The following IQCK variants were observed in gnomAD, a reference collection of about 807,000 sequenced individuals.
The protein encoded by IQCK is IQ motif containing K.
IQCK carries 29 observed loss-of-function variants against 28.1 expected under a neutral mutation model. The ratio of observed to expected loss-of-function variants is 1.03; its 90% CI spans 0.77 to 1.41. The LOEUF is 1.41. Ranked by LOEUF, IQCK falls within the 40% of genes most tolerant of loss-of-function variation. IQCK has a pLI of 0.00. For missense variants in IQCK, 359 were observed against 314.7 expected, an observed-to-expected ratio of 1.14 and a Z score of -1.07; for synonymous variants, 113 against 115.1, an observed-to-expected ratio of 0.98 and a Z score of 0.12.
intron 6 of IQCK, among the ~76,000 whole-genome samples, chr16:19,777,005 A>T (rs1443578969): frequency 6.6e-6 from 1 of 152,250 alleles, no homozygotes; most frequent in Non-Finnish European, 1.5e-5. Flanking sequence ...TTGCAAAAAT[A>T]AATAACTAAA....
chr16:19,753,596 G>A (rs1412401742), intron 4 of IQCK, among the ~76,000 whole-genome samples: 2 of 152,068 alleles, frequency 1.3e-5, no homozygotes, highest in African/African-American at 2.4e-5. Flanking sequence ...AAGATGGAAG[G>A]GATACTGAGC....
chr16:19,753,977 A>G (rs183638861), intron 4 of IQCK, among the ~76,000 whole-genome samples: 26 of 152,000 alleles, frequency 1.7e-4, no homozygotes, highest in African/African-American at 6.0e-4. Flanking sequence ...ACATCTCATC[A>G]CTCTGAAGTG....
At position 19,825,668 on chromosome 16, in the gene IQCK, A is replaced by T. The variant is rs1412884145; in HGVS notation, c.691-1358A>T. ...TCTTTCTCTACAAAATAAAGAAAAT[A>T]AAAAATGAAATAAAATTTGTAAGAT... On this transcript the variant is annotated intron_variant, in intron 7 of 7. Transcript: ENST00000564186. The surrounding 1 kb of genome is among the most constrained non-coding windows in gnomAD (Gnocchi z 4.2). Among the ~76,000 whole-genome samples the T allele has an allele frequency of 1.3e-5, 2 of 152,168 alleles. No individual in the cohort carries two copies. Among genetic ancestry groups the T allele is most frequent in the Non-Finnish European group, 2.9e-5 (2 of 68,022 alleles).
chr16:19,764,682 C>G (rs901998172), intron 6 of IQCK, among the ~76,000 whole-genome samples: 4 of 149,846 alleles, frequency 2.7e-5, no homozygotes, highest in African/African-American at 9.9e-5. Context: ...TTATTTTATT[C>G]CTTTAATTTC....
At chr16:19,805,366 C>T (rs1277110812) in intron 7 of IQCK, among the ~76,000 whole-genome samples, 1 of 152,134 alleles carries the variant, frequency 6.6e-6, no homozygotes, top group Non-Finnish European at 1.5e-5. Flanking sequence ...GGCAATATAG[C>T]ATCATAGTTA....
chr16:19,729,889 C>G (rs988520214), intron 1 of IQCK, among the ~76,000 whole-genome samples: 2 of 151,940 alleles, frequency 1.3e-5, no homozygotes, highest in African/African-American at 4.8e-5. Flanking sequence ...TGTGATCCGC[C>G]CGCCTCTGCC....
At chr16:19,777,003 A>G (rs572438693) in intron 6 of IQCK, among the ~76,000 whole-genome samples, 1 of 152,360 alleles carries the variant, frequency 6.6e-6, no homozygotes, top group South Asian at 2.1e-4. Flanking sequence ...ATTTGCAAAA[A>G]TAAATAACTA....
At chr16:19,856,449 G>A in intron 9 of IQCK, 38 bp from the exon 9 acceptor site, 1 of 1,582,276 alleles carries the variant, frequency 6.3e-7, no homozygotes, top group Non-Finnish European at 8.7e-7. Flanking sequence ...GTCTACGTAT[G>A]TAAATTGATC....
chr16:19,839,716 C>T (rs933403562), intron 9 of IQCK, among the ~76,000 whole-genome samples: 14 of 152,128 alleles, frequency 9.2e-5, no homozygotes, highest in African/African-American at 3.4e-4. Context: ...AGAACTGAGG[C>T]TGGACACAGT....
intron 9 of IQCK, among the ~76,000 whole-genome samples, chr16:19,855,280 C>T (rs1478045370): frequency 1.3e-5 from 2 of 152,134 alleles, no homozygotes; most frequent in Non-Finnish European, 2.9e-5. Context: ...TGAAGGCCCT[C>T]ATCCCACCTC....
intron 9 of IQCK, among the ~76,000 whole-genome samples, chr16:19,840,168 C>A (rs1474509584): frequency 6.6e-6 from 1 of 152,112 alleles, no homozygotes; most frequent in East Asian, 1.9e-4. Flanking sequence ...CCAGCCTGGG[C>A]AACATGGTGA....
intron 7 of IQCK, among the ~76,000 whole-genome samples, chr16:19,820,648 CAA>C (rs35161795): frequency 3.5e-4 from 38 of 109,024 alleles, no homozygotes; most frequent in Middle Eastern, 5.2e-3. Flanking sequence ...AACTCTGTAT[CAA>C]AAAAAAAAAA....
chr16:19,747,235 A>G (rs1482790788), intron 4 of IQCK, among the ~76,000 whole-genome samples: 10 of 152,238 alleles, frequency 6.6e-5, no homozygotes, highest in Non-Finnish European at 1.3e-4. Context: ...TTTGGCAGCT[A>G]CTGGATAGGC....
intron 9 of IQCK, 122 bp from the exon 9 acceptor site, chr16:19,856,365 C>A: frequency 1.4e-6 from 1 of 711,946 alleles, no homozygotes; most frequent in South Asian, 1.8e-5. Flanking sequence ...CCATGAATAG[C>A]AGGCGCACAG....
At chr16:19,731,750 A>G (rs1396300707) in intron 2 of IQCK, among the ~76,000 whole-genome samples, 1 of 152,228 alleles carries the variant, frequency 6.6e-6, no homozygotes, top group Non-Finnish European at 1.5e-5. Context: ...TTACTGGGGT[A>G]ATTGGCTCAC....
intron 1 of IQCK, among the ~76,000 whole-genome samples, chr16:19,718,713 G>T (rs1350716706): frequency 6.6e-6 from 1 of 152,214 alleles, no homozygotes; most frequent in Non-Finnish European, 1.5e-5. Flanking sequence ...GAGGTTAAAG[G>T]CAAGGGAACG....
intron 7 of IQCK, among the ~76,000 whole-genome samples, chr16:19,806,531 CA>C (rs111453482): frequency 1.4e-4 from 20 of 146,970 alleles, no homozygotes; most frequent in East Asian, 2.0e-4. Context: ...ACAAAAAATA[CA>C]AAAAAAAAAT....
chr16:19,827,794 C>T (rs559456398), downstream of IQCK, among the ~76,000 whole-genome samples: 1 of 150,434 alleles, frequency 6.6e-6, no homozygotes, highest in Non-Finnish European at 1.5e-5. Flanking sequence ...GCTCCTGGCT[C>T]GCAGGCCTTC....
At chr16:19,793,664 TTTTTTTTTTG>T in intron 7 of IQCK, among the ~76,000 whole-genome samples, 1 of 133,940 alleles carries the variant, frequency 7.5e-6, no homozygotes, top group Non-Finnish European at 1.5e-5. Flanking sequence ...TTTTTTTTTT[TTTTTTTTTTG>T]TGAAATTAAC....
Sources: gnomAD v4.1 joint callset for allele counts (sites outside exome capture counted in the v4.1 genomes callset) on GRCh38, gnomAD v4.1.1 for gene constraint, Gnocchi (gnomAD v3.1) non-coding constraint, MANE v1.5 for transcripts, NCBI Gene and HGNC (gene_info 2026-07-23, HGNC 2026-07-21) for gene names.